The following FNBP1 variants were observed in gnomAD, a reference collection of about 807,000 sequenced individuals.
FNBP1 encodes formin binding protein 1, also known as formin-binding protein 1.
A neutral mutation model predicts 90.6 loss-of-function variants in FNBP1; 26 were observed. The ratio of observed to expected loss-of-function variants is 0.29; its 90% CI spans 0.21 to 0.40. FNBP1 has a LOEUF of 0.40. Ranked by LOEUF, FNBP1 falls within the 10% of genes least tolerant of loss-of-function variation. The pLI is 1.00. For missense variants in FNBP1, 635 were observed against 768.0 expected, an observed-to-expected ratio of 0.83 and a Z score of 2.05; for synonymous variants, 260 against 265.2, an observed-to-expected ratio of 0.98 and a Z score of 0.19.
intron 2 of FNBP1, among the ~76,000 whole-genome samples, chr9:129,987,830 TC>T (rs1342604423): frequency 1.3e-5 from 2 of 152,074 alleles, no homozygotes; most frequent in African/African-American, 2.4e-5. Context: ...GCTTAGCGCA[TC>T]CCTCAGTTTC....
At position 129,900,329 on chromosome 9, in the gene FNBP1, C is replaced by A; in HGVS notation, c.1550+97G>T. On this transcript the variant is annotated intron_variant, in intron 14 of 16. Coordinates refer to ENST00000446176, the MANE Select transcript of FNBP1 (RefSeq NM_015033.3). This position sits in a 1 kb window ranked among gnomAD's most constrained non-coding sequence, Gnocchi z 4.1. ...TCGCAACAGACATTTTGGCATTGAACAAGTGCCTTATGGTCATTCCAGATT... is the reference window on the plus strand; with the variant it reads ...TCGCAACAGACATTTTGGCATTGAAAAAGTGCCTTATGGTCATTCCAGATT... 7.6e-7 allele frequency: 1 copy of A among 1,317,764 alleles called. No individual in the cohort carries two copies. The highest frequency in any genetic ancestry group is 1.0e-6 in the Non-Finnish European group (1 of 992,888). The allele number at this position is 1,317,764 out of a possible 1,614,324, so 81.6% of individuals were successfully genotyped here. A position where few individuals can be genotyped will look rare whatever the true frequency, so the allele number is the denominator to read the frequency against.
At chr9:129,991,444 A>T (rs12555789) in intron 2 of FNBP1, among the ~76,000 whole-genome samples, 1 of 149,032 alleles carries the variant, frequency 6.7e-6, no homozygotes, top group Non-Finnish European at 1.5e-5. Context: ...CTAATTTTTT[A>T]AAATTCTTTT....
In FNBP1 at chr9:130,041,528, C is replaced by T. The variant is rs555517152; in HGVS notation, c.24+1424G>A. ...TTAGAAGAGGAAAGAAACTTCAATA[C>T]GGTACTCAAAGTCATAGATTTTGCC... is the stretch of plus-strand genomic sequence containing the variant. On this transcript the variant is annotated intron_variant, in intron 1 of 16. Coordinates refer to ENST00000446176, the MANE Select transcript of FNBP1 (RefSeq NM_015033.3). The surrounding 1 kb of genome is among the most constrained non-coding windows in gnomAD (Gnocchi z 4.3). Among the ~76,000 whole-genome samples, 6 of 152,268 alleles carry T rather than the reference C, an allele frequency of 3.9e-5. No individual in the cohort carries two copies. The South Asian group carries it at 8.3e-4, about 21-fold the overall frequency.
intron 4 of FNBP1, among the ~76,000 whole-genome samples, chr9:129,969,647 C>T (rs919735635): frequency 3.3e-5 from 5 of 151,978 alleles, no homozygotes; most frequent in Non-Finnish European, 1.5e-5. Context: ...CAACGGCTCA[C>T]TCCTATAATC....
At position 130,011,269 on chromosome 9, in the gene FNBP1, A is replaced by ATATATATATAT. The variant is rs1322193913; in HGVS notation, c.25-16312_25-16311insATATATATATA. Among the ~76,000 whole-genome samples, 59 of 34,844 alleles carry ATATATATATAT rather than the reference A, an allele frequency of 1.7e-3. 1 individual carries two copies. The highest frequency in any genetic ancestry group is 2.2e-3 in the Non-Finnish European group (46 of 20,560). 22.9% of individuals were successfully genotyped at this position (34,844 alleles called of 152,430 possible). On this transcript the variant is annotated intron_variant, in intron 1 of 16. Coordinates refer to ENST00000446176, the MANE Select transcript of FNBP1 (RefSeq NM_015033.3). ...ATATATATATATATATATATATATA[A>ATATATATATAT]AATATATATAACATTATTACTTATA...
rs78168832 is a variant in FNBP1 at position 130,042,389 on chromosome 9, C to A, written c.24+563G>T. Among the ~76,000 whole-genome samples the A allele has an allele frequency of 9.0e-3, 1,377 of 152,230 alleles. 15 individuals carry two copies. The highest frequency in any genetic ancestry group is 0.032 in the African/African-American group (1,313 of 41,538). On this transcript the variant is annotated intron_variant, in intron 1 of 16. Coordinates refer to ENST00000446176, the MANE Select transcript of FNBP1 (RefSeq NM_015033.3). The surrounding 1 kb of genome is among the most constrained non-coding windows in gnomAD (Gnocchi z 5.5). ...AGAACAAGTGCGCCCGGAGCCGCCA[C>A]GGGCCAGAAGTCCTCGCCTCCAGAG...
At chr9:129,980,600 T>A (rs1030479484) in intron 2 of FNBP1, among the ~76,000 whole-genome samples, 3 of 149,620 alleles carry the variant, frequency 2.0e-5, no homozygotes, top group African/African-American at 7.4e-5. Flanking sequence ...TAATCTCATC[T>A]CCATGTTAAG....
intron 10 of FNBP1, among the ~76,000 whole-genome samples, chr9:129,916,910 C>T (rs2040342472): frequency 6.6e-6 from 1 of 152,260 alleles, no homozygotes; most frequent in African/African-American, 2.4e-5. Flanking sequence ...CTCTCCCACC[C>T]GAGAAGTGTG....
At chr9:129,953,740 A>G (rs1284749844) in intron 6 of FNBP1, among the ~76,000 whole-genome samples, 1 of 151,866 alleles carries the variant, frequency 6.6e-6, no homozygotes, top group African/African-American at 2.4e-5. Context: ...AAGAAGAAAG[A>G]CTGAGGTAAG....
intron 10 of FNBP1, chr9:129,919,144 C>A: frequency 2.4e-6 from 3 of 1,239,550 alleles, no homozygotes; most frequent in Non-Finnish European, 3.2e-6. Flanking sequence ...ACCTGGCCAT[C>A]ACAGGTGAAC....
chr9:129,903,784 G>A (rs536070345), intron 12 of FNBP1, among the ~76,000 whole-genome samples: 1 of 152,238 alleles, frequency 6.6e-6, no homozygotes, highest in South Asian at 2.1e-4. Flanking sequence ...ACCTGCCTCG[G>A]CCTCCCAAAG....
intron 4 of FNBP1, among the ~76,000 whole-genome samples, chr9:129,974,581 C>T (rs944945829): frequency 2.0e-5 from 3 of 152,100 alleles, no homozygotes; most frequent in Non-Finnish European, 1.5e-5. Flanking sequence ...AAAAACAGGC[C>T]AGGCATGGGG....
Position 130,042,878 on chromosome 9 carries a change from GC to G in FNBP1, c.24+73del. The G allele has an allele frequency of 9.3e-7, 1 of 1,072,926 alleles. No homozygotes were observed. The highest frequency in any genetic ancestry group is 1.2e-6 in the Non-Finnish European group (1 of 845,148). 66.5% of individuals were successfully genotyped at this position (1,072,926 alleles called of 1,614,324 possible). On this transcript the variant is annotated intron_variant, in intron 1 of 16. Coordinates refer to ENST00000446176, the MANE Select transcript of FNBP1 (RefSeq NM_015033.3). The surrounding 1 kb of genome is among the most constrained non-coding windows in gnomAD (Gnocchi z 5.5). ...TCGCCTCCGCCCAGCAGCGCGGCCCGCGCCCCCTCCCCAGGCCGCGGGGAAA... is the reference window on the plus strand; with the variant it reads ...TCGCCTCCGCCCAGCAGCGCGGCCCGGCCCCCTCCCCAGGCCGCGGGGAAA...
chr9:129,919,495 T>TGCTA (rs2040777641), intron 10 of FNBP1, among the ~76,000 whole-genome samples: 1 of 152,224 alleles, frequency 6.6e-6, no homozygotes, highest in African/African-American at 2.4e-5. Context: ...ATGGAGAACA[T>TGCTA]GCTATCTAGT....
chr9:129,944,360 G>C (rs780599700), intron 6 of FNBP1, among the ~76,000 whole-genome samples: 12 of 151,898 alleles, frequency 7.9e-5, no homozygotes, highest in Non-Finnish European at 1.8e-4. Context: ...GGCCAACCTG[G>C]AGAAACCCTG....
intron 2 of FNBP1, among the ~76,000 whole-genome samples, chr9:129,983,827 A>C (rs1477937044): frequency 6.6e-6 from 1 of 152,138 alleles, no homozygotes; most frequent in Non-Finnish European, 1.5e-5. Context: ...AAACAATCAA[A>C]TAAAAAAACC....
chr9:129,949,014 T>C (rs1305508699), intron 6 of FNBP1, among the ~76,000 whole-genome samples: 1 of 152,028 alleles, frequency 6.6e-6, no homozygotes, highest in African/African-American at 2.4e-5. Context: ...AGTTTCCCTC[T>C]CAATATCCCA....
Position 129,929,654 on chromosome 9 carries a change from G to C in FNBP1, c.555C>G (p.Asp185Glu). The change falls in exon 7 of 17, where the codon GAC becomes GAG. Residue 185 changes from aspartate (D) to glutamate (E), a missense_variant. Asp to Glu is a conservative substitution (Grantham distance 45, BLOSUM62 2). Transcript: ENST00000446176. Reference sequence around the variant, plus strand: ...GAATGGATGAGTAATCTGCTTTGCTGTCCTCTGCCATTTGGTGACGTATTT... The same window carrying C: ...GAATGGATGAGTAATCTGCTTTGCTCTCCTCTGCCATTTGGTGACGTATTT... Reference protein sequence around the residue: ...QAQIRHQMAEDSKADYSSILQ... With the variant: ...QAQIRHQMAEESKADYSSILQ... 6.2e-7 allele frequency: 1 copy of C among 1,613,870 alleles called. No homozygotes were observed. Among genetic ancestry groups the C allele is most frequent in the Non-Finnish European group, 8.5e-7 (1 of 1,179,800 alleles).
chr9:129,971,052 AT>A (rs200223968), intron 4 of FNBP1, among the ~76,000 whole-genome samples: 3,670 of 146,244 alleles, frequency 0.025, 62 homozygotes, highest in Non-Finnish European at 0.037. Context: ...CACCCAGCTA[AT>A]TTTTTTTTTT....
Sources: gnomAD v4.1 joint callset for allele counts (sites outside exome capture counted in the v4.1 genomes callset) on GRCh38, gnomAD v4.1.1 for gene constraint, Gnocchi (gnomAD v3.1) non-coding constraint, MANE v1.5 for transcripts, NCBI Gene and HGNC (gene_info 2026-07-23, HGNC 2026-07-21) for gene names.